Variants in MYO3B observed in about 807,000 individuals in gnomAD.
MYO3B encodes myosin IIIB.
Under a neutral mutation model 174.6 loss-of-function variants are expected in MYO3B, and 156 were observed. The ratio of observed to expected loss-of-function variants is 0.89; its 90% CI spans 0.78 to 1.02. The LOEUF is 1.02. Among genes scored for constraint, MYO3B ranks in the 50% least tolerant of loss-of-function variants. MYO3B has a pLI of 0.00. For synonymous variants in MYO3B, 563 were observed against 569.1 expected (o/e 0.99, Z 0.15); for missense variants, 1,632 against 1,639.4 (o/e 1.00, Z 0.08).
At position 170,499,801 on chromosome 2, in the gene MYO3B, C is replaced by T. The variant is rs746250424; in HGVS notation, c.3282C>T (p.Ile1094=). 2 of 1,613,668 alleles carry T rather than the reference C, an allele frequency of 1.2e-6. No homozygotes were observed. Among genetic ancestry groups the T allele is most frequent in the Non-Finnish European group, 8.5e-7 (1 of 1,179,748 alleles). Residue 1094 remains isoleucine (I), a synonymous_variant, in exon 27 of 35, where the codon ATC becomes ATT. Transcript: ENST00000408978. ...AGAGAGAGAAGGGAGCCATTGCCAT[C>T]CAGTCAGGTAAATGGTCCTGTTCTC... ...REKREKGAIA[I]QSAWRGYDAR...
Position 170,594,859 on chromosome 2 carries a change from T to C in MYO3B, c.3733+50871T>C, listed in dbSNP as rs1396847554. Reference sequence around the variant, plus strand: ...CACACACACACACACACACACACACTTGTTGCTATCACTTTCCTCTCTACT... The same window carrying C: ...CACACACACACACACACACACACACCTGTTGCTATCACTTTCCTCTCTACT... On this transcript the variant is annotated intron_variant, in intron 32 of 34. Coordinates refer to ENST00000408978, the MANE Select transcript of MYO3B (RefSeq NM_138995.5). 2.0e-5 allele frequency among the ~76,000 whole-genome samples: 3 copies of C among 147,824 alleles called. No individual in the cohort carries two copies. In the East Asian group the frequency reaches 5.9e-4, roughly 29 times the overall value.
At chr2:170,393,535 A>G (rs140340933) in intron 16 of MYO3B, among the ~76,000 whole-genome samples, 1,660 of 152,262 alleles carry the variant, frequency 0.011, 15 homozygotes, top group Non-Finnish European at 0.016. Context: ...AATTTTGCAA[A>G]ATATATAGAT....
chr2:170,186,417 A>G (rs1399704240), intron 1 of MYO3B, among the ~76,000 whole-genome samples: 3 of 152,238 alleles, frequency 2.0e-5, no homozygotes, highest in African/African-American at 7.2e-5. Flanking sequence ...GATATGATGT[A>G]TCACATTGAT....
intron 1 of MYO3B, among the ~76,000 whole-genome samples, chr2:170,182,002 T>C (rs977518280): frequency 2.6e-5 from 4 of 152,130 alleles, no homozygotes; most frequent in Non-Finnish European, 5.9e-5. Context: ...CTTTTATACA[T>C]TTAAATTTTT....
chr2:170,613,249 C>A (rs1695230231), intron 32 of MYO3B, among the ~76,000 whole-genome samples: 1 of 152,178 alleles, frequency 6.6e-6, no homozygotes, highest in Non-Finnish European at 1.5e-5. Context: ...GAGTGCTGAA[C>A]ACAATTCAGC....
Position 170,404,339 on chromosome 2 carries a change from A to C in MYO3B, c.2370A>C (p.Gly790=). 1 of 1,613,918 alleles carries C rather than the reference A, an allele frequency of 6.2e-7. No individual in the cohort carries two copies. The highest frequency in any genetic ancestry group is 8.5e-7 in the Non-Finnish European group (1 of 1,179,898). The part of the protein sequence containing the change: ...LLDMFLQKPL[G]LLALLDEESR... ...ACATGTTCCTCCAGAAACCCCTGGG[A>C]CTGCTTGCACTTTTGGATGAGGAAA... Residue 790 remains glycine (G), a synonymous_variant, in exon 20 of 35, where the codon GGA becomes GGC. Transcript: ENST00000408978.
rs530882325 is a variant in MYO3B at position 170,501,955 on chromosome 2, C to G, written c.3370+90C>G. 5.6e-5 allele frequency: 50 copies of G among 889,904 alleles called. 1 individual carries two copies. The African/African-American group carries it at 7.6e-4, about 14-fold the overall frequency. The allele number at this position is 889,904 out of a possible 1,614,324, so 55.1% of individuals were successfully genotyped here. A position where few individuals can be genotyped will look rare whatever the true frequency, so the allele number is the denominator to read the frequency against. ...TAGAAAAGCTGAAAGGTTAATAATT[C>G]AGGAGCACTGGAATGAGTCAAGAGT... On this transcript the variant is annotated intron_variant, in intron 28 of 34. Transcript: ENST00000408978.
chr2:170,500,436 A>C (rs1285693032), intron 27 of MYO3B, among the ~76,000 whole-genome samples: 1 of 152,138 alleles, frequency 6.6e-6, no homozygotes, highest in African/African-American at 2.4e-5. Flanking sequence ...ATATCTGGGG[A>C]AGGGATTCAC....
chr2:170,649,322 T>TAATATATATTATATATAA (rs1698787969), intron 32 of MYO3B, among the ~76,000 whole-genome samples: 2 of 91,096 alleles, frequency 2.2e-5, no homozygotes, highest in African/African-American at 1.0e-4. Context: ...ATATATAAAA[T>TAATATATATTATATATAA]AATATAATAT....
intron 17 of MYO3B, 106 bp downstream of exon 17, chr2:170,400,420 TA>T (rs2094467548): frequency 8.5e-7 from 1 of 1,175,440 alleles, no homozygotes; most frequent in Admixed American, 2.6e-5. Flanking sequence ...TTTTTTTTTT[TA>T]TCGAGATGGA....
At chr2:170,442,774 T>A (rs1438782749) in intron 22 of MYO3B, among the ~76,000 whole-genome samples, 3 of 152,204 alleles carry the variant, frequency 2.0e-5, no homozygotes, top group Non-Finnish European at 4.4e-5. Flanking sequence ...GTCCTTGCGA[T>A]AGTTTGCTCA....
At chr2:170,353,353 A>C (rs1407633255) in intron 8 of MYO3B, among the ~76,000 whole-genome samples, 3 of 151,936 alleles carry the variant, frequency 2.0e-5, no homozygotes, top group Admixed American at 2.0e-4. Flanking sequence ...ATTCTGGAAA[A>C]GGCAAAACCA....
intron 7 of MYO3B, among the ~76,000 whole-genome samples, chr2:170,299,151 A>G (rs1350829527): frequency 6.6e-6 from 1 of 152,062 alleles, no homozygotes; most frequent in Non-Finnish European, 1.5e-5. Context: ...CAACACTACT[A>G]TTTTTCATTT....
At chr2:170,245,085 G>A (rs975349648) in intron 7 of MYO3B, among the ~76,000 whole-genome samples, 5 of 152,166 alleles carry the variant, frequency 3.3e-5, no homozygotes, top group Admixed American at 6.5e-5. Context: ...GCCTGAGGCA[G>A]GACTCTGCTG....
chr2:170,259,686 C>T (rs181735807), intron 7 of MYO3B, among the ~76,000 whole-genome samples: 1 of 152,226 alleles, frequency 6.6e-6, no homozygotes, highest in Admixed American at 6.5e-5. Flanking sequence ...GCAATGAAAA[C>T]ACAAATAGAC....
intron 25 of MYO3B, among the ~76,000 whole-genome samples, chr2:170,480,493 T>C (rs1238359428): frequency 6.6e-6 from 1 of 152,212 alleles, no homozygotes; most frequent in Non-Finnish European, 1.5e-5. Context: ...TATAATGAAC[T>C]GGTAAAAGTA....
intron 7 of MYO3B, among the ~76,000 whole-genome samples, chr2:170,280,372 A>G (rs2093499146): frequency 6.6e-6 from 1 of 152,008 alleles, no homozygotes; most frequent in Admixed American, 6.6e-5. Context: ...GACCTTGGTT[A>G]AATGTGTAGT....
At chr2:170,642,457 TAAA>T (rs1698051467) in intron 32 of MYO3B, among the ~76,000 whole-genome samples, 2 of 152,148 alleles carry the variant, frequency 1.3e-5, no homozygotes. Flanking sequence ...CCTTTCATCT[TAAA>T]AAGCAGGATC....
chr2:170,367,014 T>G (rs1311700508), intron 8 of MYO3B, among the ~76,000 whole-genome samples: 1 of 92,030 alleles, frequency 1.1e-5, no homozygotes, highest in African/African-American at 3.1e-5. Context: ...GTACCTATAT[T>G]AAGGAGGAAG....
Sources: gnomAD v4.1 joint callset for allele counts (sites outside exome capture counted in the v4.1 genomes callset) on GRCh38, gnomAD v4.1.1 for gene constraint, MANE v1.5 for transcripts, NCBI Gene and HGNC (gene_info 2026-07-23, HGNC 2026-07-21) for gene names.